Variants in COL4A5 observed in about 807,000 individuals in gnomAD.
The protein encoded by COL4A5 is collagen alpha-5(IV) chain.
In COL4A5, 26 loss-of-function variants were observed where a neutral mutation model predicts 130.2. The observed-to-expected ratio is 0.20, with a 90% CI of 0.15 to 0.28. The LOEUF (loss-of-function observed/expected upper bound fraction) is 0.28, where lower values mean the gene tolerates loss of function less well. COL4A5 is among the 10% of genes least tolerant of loss of function. The probability of loss-of-function intolerance (pLI) is 1.00; values close to 1 mark genes in which losing one functional copy is unlikely to be tolerated. For synonymous variants in COL4A5, 496 were observed against 439.6 expected (o/e 1.13, Z -1.60); for missense variants, 1,131 against 1,344.3 (o/e 0.84, Z 2.48).
At chrX:108,496,600 T>G (rs1219980891) in intron 1 of COL4A5, among the ~76,000 whole-genome samples, 1 of 111,848 alleles carries the variant, frequency 8.9e-6, no homozygotes, top group Non-Finnish European at 1.9e-5. Flanking sequence ...TTCTTCATAT[T>G]TTTTCTGTTA....
intron 1 of COL4A5, among the ~76,000 whole-genome samples, chrX:108,480,720 A>G: frequency 8.9e-6 from 1 of 112,799 alleles, no homozygotes; most frequent in Non-Finnish European, 1.9e-5. Flanking sequence ...GGTACAGCAG[A>G]TGCAATTGGA....
intron 1 of COL4A5, among the ~76,000 whole-genome samples, chrX:108,507,764 C>T (rs759790904): frequency 2.7e-5 from 3 of 111,946 alleles, no homozygotes; most frequent in East Asian, 5.6e-4. Context: ...GCCTAGATCA[C>T]ACCACTGCAT....
intron 30 of COL4A5, among the ~76,000 whole-genome samples, chrX:108,618,648 T>C (rs1364125838): frequency 9.0e-6 from 1 of 111,533 alleles, no homozygotes; most frequent in East Asian, 2.8e-4. Context: ...TAATATATGA[T>C]AGCAGTGAAT....
At chrX:108,653,494 A>G (rs1205025342) in intron 36 of COL4A5, among the ~76,000 whole-genome samples, 1 of 111,526 alleles carries the variant, frequency 9.0e-6, no homozygotes, top group East Asian at 2.8e-4. Context: ...GAATGGGACA[A>G]CATGACATTT....
chrX:108,639,085 C>T (rs1176337189), intron 36 of COL4A5, among the ~76,000 whole-genome samples: 1 of 110,975 alleles, frequency 9.0e-6, no homozygotes, highest in African/African-American at 3.3e-5. Context: ...GGGACCCCAA[C>T]TAGCCAAAAC....
chrX:108,495,500 A>G (rs757232306), intron 1 of COL4A5, among the ~76,000 whole-genome samples: 4 of 111,542 alleles, frequency 3.6e-5, no homozygotes, highest in Non-Finnish European at 5.7e-5. Context: ...GATCAGTTCA[A>G]TAAAACCCCC....
chrX:108,580,151 C>T (rs183544441), intron 13 of COL4A5, among the ~76,000 whole-genome samples: 122 of 111,294 alleles, frequency 1.1e-3, no homozygotes, highest in Non-Finnish European at 2.0e-3. Flanking sequence ...AGGTTTGTCA[C>T]ATAGGTATAT....
chrX:108,645,906 G>T lies in COL4A5; in HGVS notation c.3247-9425G>T, dbSNP rs767973724. 6.3e-5 allele frequency among the ~76,000 whole-genome samples: 7 copies of T among 110,842 alleles called. No homozygotes were observed. The East Asian group carries it at 2.0e-3, about 32-fold the overall frequency. ...TCATCCATGTCCCTACAAAGGACAT[G>T]AACTCATCATTTTTAATGGCTGCAT... On this transcript the variant is annotated intron_variant, in intron 36 of 52. Transcript: ENST00000328300.
chrX:108,459,758 T>C (rs1474507857), intron 1 of COL4A5, among the ~76,000 whole-genome samples: 1 of 112,245 alleles, frequency 8.9e-6, no homozygotes, highest in Admixed American at 9.4e-5. Context: ...TTATGATTAA[T>C]TTTCTCATAC....
At chrX:108,651,690 C>T (rs995192669) in intron 36 of COL4A5, among the ~76,000 whole-genome samples, 1 of 111,802 alleles carries the variant, frequency 8.9e-6, no homozygotes, top group African/African-American at 3.2e-5. Context: ...TTATGCCTAT[C>T]TTGCATGGTA....
chrX:108,534,661 G>A (rs1309430497), intron 1 of COL4A5, among the ~76,000 whole-genome samples: 1 of 111,127 alleles, frequency 9.0e-6, no homozygotes, highest in Non-Finnish European at 1.9e-5. Context: ...GTGGTCTTCT[G>A]GCTTTGATTA....
At chrX:108,658,208 A>G (rs988983559) in intron 37 of COL4A5, among the ~76,000 whole-genome samples, 7 of 111,607 alleles carry the variant, frequency 6.3e-5, no homozygotes, top group African/African-American at 1.9e-4. Flanking sequence ...ATCTACAGAG[A>G]TGATAATTGT....
chrX:108,540,988 G>A (rs1012123504), intron 2 of COL4A5, among the ~76,000 whole-genome samples: 2 of 112,116 alleles, frequency 1.8e-5, no homozygotes, highest in East Asian at 5.6e-4. Flanking sequence ...AGTGAATGCT[G>A]CTAATTATAT....
At chrX:108,555,848 A>T (rs1445181897) in intron 2 of COL4A5, among the ~76,000 whole-genome samples, 1 of 111,803 alleles carries the variant, frequency 8.9e-6, no homozygotes, top group African/African-American at 3.2e-5. Flanking sequence ...AACCACTAAA[A>T]GTTATCCTTT....
At chrX:108,465,542 G>A (rs1297174735) in intron 1 of COL4A5, among the ~76,000 whole-genome samples, 1 of 111,476 alleles carries the variant, frequency 9.0e-6, no homozygotes, top group Non-Finnish European at 1.9e-5. Context: ...CCCATTCTGT[G>A]GGTCGTATTT....
chrX:108,591,579 C>T lies in COL4A5; in HGVS notation c.1358C>T (p.Pro453Leu). Residue 453 changes from proline (P) to leucine (L), a missense_variant, in exon 21 of 53, where the codon CCA (proline) becomes CTA (leucine). By Grantham distance (98) the Pro-to-Leu change is moderately conservative. Transcript: ENST00000328300. ...TACTCAGGTGATGAGATATGTGAAC[C>T]AGGCCCTCCAGGCCCCCCAGGATCT... is the stretch of plus-strand genomic sequence containing the variant. ...HIPPSDEICE[P>L]GPPGPPGSPG... 1 of 1,205,240 alleles carries T rather than the reference C, an allele frequency of 8.3e-7. No homozygotes were observed. Among genetic ancestry groups the T allele is most frequent in the Non-Finnish European group, 1.1e-6 (1 of 889,928 alleles).
chrX:108,600,901 G>T (rs990619482), intron 25 of COL4A5, among the ~76,000 whole-genome samples: 5 of 111,277 alleles, frequency 4.5e-5, no homozygotes, highest in African/African-American at 1.6e-4. Flanking sequence ...GGTAGGAGAG[G>T]ATGGGTGTAC....
At chrX:108,652,181 T>C (rs1401803430) in intron 36 of COL4A5, among the ~76,000 whole-genome samples, 2 of 112,160 alleles carry the variant, frequency 1.8e-5, no homozygotes, top group Non-Finnish European at 3.8e-5. Context: ...GTATCATGGG[T>C]ATATGCATAT....
chrX:108,500,916 C>G (rs776795729), intron 1 of COL4A5, among the ~76,000 whole-genome samples: 1 of 109,158 alleles, frequency 9.2e-6, no homozygotes, highest in African/African-American at 3.3e-5. Context: ...GACAGAGGAC[C>G]GAAGAAGAAT....
Sources: allele counts gnomAD v4.1 joint callset (sites outside exome capture counted in the v4.1 genomes callset), GRCh38; gene constraint gnomAD v4.1.1; transcripts MANE v1.5; gene names NCBI Gene and HGNC (gene_info 2026-07-23, HGNC 2026-07-21).